Variants in ZC3H8 observed in about 807,000 individuals in gnomAD.
ZC3H8 encodes zinc finger CCCH domain-containing protein 8.
Under a neutral mutation model 42.5 loss-of-function variants are expected in ZC3H8, and 27 were observed. The ratio of observed to expected loss-of-function variants is 0.64; its 90% CI spans 0.47 to 0.88. The LOEUF (loss-of-function observed/expected upper bound fraction) is 0.88, where lower values mean the gene tolerates loss of function less well. Among genes scored for constraint, ZC3H8 ranks in the 40% least tolerant of loss-of-function variants. ZC3H8 has a pLI of 0.00. For synonymous variants in ZC3H8, 101 were observed against 110.1 expected (o/e 0.92, Z 0.52); for missense variants, 277 against 336.1 (o/e 0.82, Z 1.37).
chr2:112,245,903 AC>A (rs1198442118), intron 2 of ZC3H8, among the ~76,000 whole-genome samples: 1 of 152,200 alleles, frequency 6.6e-6, no homozygotes, highest in African/African-American at 2.4e-5. Context: ...TTGCACTTGC[AC>A]CCCGTAAATT....
intron 5 of ZC3H8, 111 bp downstream of exon 5, chr2:112,234,009 T>C: frequency 1.5e-6 from 1 of 648,964 alleles, no homozygotes; most frequent in Non-Finnish European, 2.4e-6. Context: ...TCTAACTGAT[T>C]TTTTTCCAGA....
chr2:112,250,578 G>A (rs1193275013), intron 1 of ZC3H8, among the ~76,000 whole-genome samples: 1 of 152,188 alleles, frequency 6.6e-6, no homozygotes, highest in Admixed American at 6.5e-5. Flanking sequence ...TACCCACCAT[G>A]TACGAGGCTC....
At chr2:112,225,768 G>A (rs962951698) in intron 8 of ZC3H8, among the ~76,000 whole-genome samples, 2 of 152,118 alleles carry the variant, frequency 1.3e-5, no homozygotes, top group Non-Finnish European at 2.9e-5. Context: ...AGTGAGCCAA[G>A]ATCATGCCAC....
chr2:112,215,783 A>T lies in ZC3H8; in HGVS notation c.*701T>A, dbSNP rs1057056741. The T allele has an allele frequency of 6.6e-6, 1 of 152,218 alleles. No homozygotes were observed. Among genetic ancestry groups the T allele is most frequent in the African/African-American group, 2.4e-5 (1 of 41,456 alleles). The allele number at this position is 152,218 out of a possible 1,614,324, so 9.4% of individuals were successfully genotyped here. ...AAGTTTGTAACTCACACAAGTGTAT[A>T]ATCTGACTACAGTTTATAAACCAAT... On this transcript the variant is annotated 3_prime_UTR_variant, in exon 9 of 9. Coordinates refer to ENST00000409573, the MANE Select transcript of ZC3H8 (RefSeq NM_032494.3).
At position 112,250,285 on chromosome 2, in the gene ZC3H8, T is replaced by TA. The variant is rs556494676; in HGVS notation, c.75-14dup. 153 of 1,538,656 alleles carry TA rather than the reference T, an allele frequency of 9.9e-5. No homozygotes were observed. In the East Asian group the frequency reaches 1.8e-3, roughly 18 times the overall value. ...TTCATCATCGATTCTGTAGCAAAAA[T>TA]ATCAAATAACACAAAAGAGTTTTTT... is the stretch of plus-strand genomic sequence containing the variant. On this transcript the variant is annotated splice_polypyrimidine_tract_variant and intron_variant, in intron 1 of 8. Coordinates refer to ENST00000409573, the MANE Select transcript of ZC3H8 (RefSeq NM_032494.3).
At position 112,212,965 on chromosome 2, in the gene ZC3H8, C is replaced by CTTTTTTTTTTT. The variant is rs35500593; in HGVS notation, c.*3508_*3518dup. On this transcript the variant is annotated 3_prime_UTR_variant, in exon 9 of 9. Coordinates refer to ENST00000409573, the MANE Select transcript of ZC3H8 (RefSeq NM_032494.3). ...CAGCAAGCACAACTCAGAAGAAATG[C>CTTTTTTTTTTT]TTTTTTTTTTTTTTTTTTTTTTTAT... 7.1e-5 allele frequency: 6 copies of CTTTTTTTTTTT among 84,892 alleles called. No homozygotes were observed. The highest frequency in any genetic ancestry group is 9.4e-5 in the African/African-American group (2 of 21,232). The allele number at this position is 84,892 out of a possible 1,614,324, so 5.3% of individuals were successfully genotyped here.
intron 3 of ZC3H8, among the ~76,000 whole-genome samples, chr2:112,237,847 G>A (rs1467359203): frequency 8.5e-5 from 13 of 152,098 alleles, no homozygotes; most frequent in South Asian, 2.1e-4. Flanking sequence ...GATTACAGGC[G>A]TGAGCCACCA....
chr2:112,227,868 G>C (rs1684915420), intron 8 of ZC3H8, among the ~76,000 whole-genome samples: 1 of 152,138 alleles, frequency 6.6e-6, no homozygotes, highest in African/African-American at 2.4e-5. Context: ...AATTCTATGT[G>C]CAATTTTCCA....
At chr2:112,252,135 T>C in intron 1 of ZC3H8, among the ~76,000 whole-genome samples, 1 of 152,198 alleles carries the variant, frequency 6.6e-6, no homozygotes, top group East Asian at 1.9e-4. Context: ...TCCAAGTCTC[T>C]AACCCAAACC....
At chr2:112,223,603 T>C (rs1219145067) in intron 8 of ZC3H8, among the ~76,000 whole-genome samples, 3 of 152,130 alleles carry the variant, frequency 2.0e-5, no homozygotes, top group Non-Finnish European at 4.4e-5. Flanking sequence ...AGCAAAATAG[T>C]ACATTAAGAA....
At chr2:112,240,980 T>C (rs1558930127) in intron 2 of ZC3H8, among the ~76,000 whole-genome samples, 1 of 138,990 alleles carries the variant, frequency 7.2e-6, no homozygotes, top group African/African-American at 2.7e-5. Context: ...TGTGTGTGTG[T>C]GTGTGCGCGT....
chr2:112,254,195 C>A (rs765248830), intron 1 of ZC3H8: 2 of 968,646 alleles, frequency 2.1e-6, no homozygotes, highest in Non-Finnish European at 2.5e-6. Flanking sequence ...GGAAATATAT[C>A]TCAGTTGAGG....
In ZC3H8 at chr2:112,250,179, A is replaced by T. The variant is rs1270384876; in HGVS notation, c.156+12T>A. ...GCGTTTTCAACTTAAACAGTGGTCA[A>T]CTTAATCTTACTTTTTTGGGAATTT... is the stretch of plus-strand genomic sequence containing the variant. On this transcript the variant is annotated intron_variant, in intron 2 of 8. Coordinates refer to ENST00000409573, the MANE Select transcript of ZC3H8 (RefSeq NM_032494.3). 3 of 1,555,514 alleles carry T rather than the reference A, an allele frequency of 1.9e-6. No homozygotes were observed. The highest frequency in any genetic ancestry group is 2.7e-5 in the African/African-American group (2 of 73,850).
chr2:112,229,911 A>C (rs1253230600), intron 8 of ZC3H8, among the ~76,000 whole-genome samples: 1 of 152,036 alleles, frequency 6.6e-6, no homozygotes, highest in Non-Finnish European at 1.5e-5. Flanking sequence ...AAAGATTCCC[A>C]AAATAAGTAA....
Position 112,212,108 on chromosome 2 carries a change from T to TA in ZC3H8, c.*4375dup, listed in dbSNP as rs1295638832. ...GGGGAGGTCAAGGTCAAGGTGCTGG[T>TA]ATATTAGTGTGTGGTGAGGGCCTGC... On this transcript the variant is annotated 3_prime_UTR_variant, in exon 9 of 9. Transcript: ENST00000409573. 1.3e-5 allele frequency: 2 copies of TA among 152,290 alleles called. No individual in the cohort carries two copies. Among genetic ancestry groups the TA allele is most frequent in the African/African-American group, 4.8e-5 (2 of 41,460 alleles). 9.4% of individuals were successfully genotyped at this position (152,290 alleles called of 1,614,324 possible).
At chr2:112,227,658 T>C (rs549346241) in intron 8 of ZC3H8, among the ~76,000 whole-genome samples, 1 of 152,248 alleles carries the variant, frequency 6.6e-6, no homozygotes, top group Non-Finnish European at 1.5e-5. Context: ...ATAACAGAAA[T>C]AAATTCTATT....
chr2:112,238,963 A>T (rs918179512), intron 2 of ZC3H8, among the ~76,000 whole-genome samples: 6 of 152,198 alleles, frequency 3.9e-5, no homozygotes, highest in Non-Finnish European at 7.3e-5. Context: ...CCCCAAGTAA[A>T]CTGTAATGGT....
intron 8 of ZC3H8, among the ~76,000 whole-genome samples, chr2:112,223,108 G>A (rs1015033611): frequency 8.6e-5 from 13 of 152,030 alleles, no homozygotes; most frequent in African/African-American, 2.2e-4. Flanking sequence ...GGGGCCTGTC[G>A]TGGGGTGGGG....
chr2:112,239,840 C>T (rs1685509376), intron 2 of ZC3H8, among the ~76,000 whole-genome samples: 1 of 152,166 alleles, frequency 6.6e-6, no homozygotes. Context: ...CTGCCTCGGC[C>T]TCCCAAAGTG....
Sources: allele counts gnomAD v4.1 joint callset (sites outside exome capture counted in the v4.1 genomes callset), GRCh38; gene constraint gnomAD v4.1.1; transcripts MANE v1.5; gene names NCBI Gene and HGNC (gene_info 2026-07-23, HGNC 2026-07-21).